Variants in PKM observed in about 807,000 individuals in gnomAD.
The protein encoded by PKM is pyruvate kinase PKM.
A neutral mutation model predicts 49.8 loss-of-function variants in PKM; 18 were observed. The observed-to-expected ratio is 0.36, with a 90% CI of 0.25 to 0.54. The LOEUF (loss-of-function observed/expected upper bound fraction) is 0.54. Ranked by LOEUF, PKM falls within the 20% of genes least tolerant of loss-of-function variation. The probability of loss-of-function intolerance (pLI) is 0.89; values close to 1 mark genes in which losing one functional copy is unlikely to be tolerated. For synonymous variants in PKM, 239 were observed against 261.8 expected, an observed-to-expected ratio of 0.91 and a Z score of 0.84; for missense variants, 508 against 713.8, an observed-to-expected ratio of 0.71 and a Z score of 3.28.
chr15:72,221,091 G>T, intron 1 of PKM: 3 of 811,454 alleles, frequency 3.7e-6, no homozygotes, highest in Non-Finnish European at 4.1e-6. Context: ...AAAACCATCA[G>T]CTGGCTCTTC....
In PKM at chr15:72,227,744, C is replaced by CAA. The variant is rs34876633; in HGVS notation, c.-14+3370_-14+3371dup. Among the ~76,000 whole-genome samples the CAA allele has an allele frequency of 2.6e-3, 28 of 10,768 alleles. 1 individual carries two copies. The highest frequency in any genetic ancestry group is 5.7e-3 in the African/African-American group (19 of 3,356). The allele number at this position is 10,768 out of a possible 152,430, so 7.1% of individuals were successfully genotyped here. A position where few individuals can be genotyped will look rare whatever the true frequency, so the allele number is the denominator to read the frequency against. ...CTGGGCAACAAGAGCAAAACTATCT[C>CAA]AAAAAAAAAAAAAAAAAAAAAAAAA... On this transcript the variant is annotated intron_variant, in intron 1 of 10. Coordinates refer to ENST00000335181, the MANE Select transcript of PKM (RefSeq NM_002654.6).
intron 8 of PKM, chr15:72,206,187 A>T (rs2082073955): frequency 6.2e-6 from 1 of 161,064 alleles, no homozygotes; most frequent in Non-Finnish European, 1.4e-5. Flanking sequence ...ATGCAAGGCC[A>T]GCACAGGCAG....
At chr15:72,211,647 T>C (rs1209274263) in intron 3 of PKM, among the ~76,000 whole-genome samples, 1 of 151,782 alleles carries the variant, frequency 6.6e-6, no homozygotes, top group Non-Finnish European at 1.5e-5. Context: ...CGAAACCTCG[T>C]CTCTACAAAA....
At chr15:72,218,453 G>A (rs986774429) in intron 2 of PKM, among the ~76,000 whole-genome samples, 2 of 151,536 alleles carry the variant, frequency 1.3e-5, no homozygotes, top group African/African-American at 2.4e-5. Flanking sequence ...ACAGGATCTC[G>A]CTCTGTTGCC....
intron 8 of PKM, among the ~76,000 whole-genome samples, chr15:72,205,540 T>C (rs191301795): frequency 6.6e-6 from 1 of 152,022 alleles, no homozygotes; most frequent in East Asian, 1.9e-4. Flanking sequence ...AAATGACATC[T>C]CTTCTCTGAA....
At chr15:72,221,539 G>A (rs2082523886) in intron 1 of PKM, among the ~76,000 whole-genome samples, 1 of 150,614 alleles carries the variant, frequency 6.6e-6, no homozygotes, top group Non-Finnish European at 1.5e-5. Flanking sequence ...ATTTTAATAG[G>A]ACGTCATTGG....
At chr15:72,225,805 T>A (rs757328241) in intron 1 of PKM, among the ~76,000 whole-genome samples, 6 of 152,198 alleles carry the variant, frequency 3.9e-5, no homozygotes, top group Admixed American at 6.5e-5. Flanking sequence ...CTTCTATTAA[T>A]CAATACTCTT....
chr15:72,210,167 G>T, intron 4 of PKM, 180 bp downstream of exon 4: 1 of 785,702 alleles, frequency 1.3e-6, no homozygotes, highest in Non-Finnish European at 2.1e-6. Context: ...CCATTTCCTA[G>T]CAAAGTAGAT....
intron 5 of PKM, among the ~76,000 whole-genome samples, chr15:72,209,274 T>C (rs1165229516): frequency 1.3e-5 from 2 of 150,652 alleles, no homozygotes; most frequent in Non-Finnish European, 3.0e-5. Context: ...GAGGCTGAGG[T>C]AGGAGAATAG....
At chr15:72,206,593 G>T in intron 8 of PKM, 135 bp downstream of exon 8, 4 of 858,436 alleles carry the variant, frequency 4.7e-6, no homozygotes, top group Non-Finnish European at 7.4e-6. Context: ...CCACCCTCTT[G>T]CTGCTGTAAC....
intron 1 of PKM, among the ~76,000 whole-genome samples, chr15:72,227,770 A>C (rs947481604): frequency 1.6e-5 from 1 of 62,028 alleles, no homozygotes. Flanking sequence ...AAAAAAAAAA[A>C]AAAACAAAAA....
chr15:72,209,019 G>T, intron 5 of PKM, 128 bp from the exon 6 acceptor site: 1 of 1,025,036 alleles, frequency 9.8e-7, no homozygotes, highest in Non-Finnish European at 1.5e-6. Flanking sequence ...TGTTTTACCA[G>T]AGTTGAAAAC....
intron 4 of PKM, 118 bp downstream of exon 4, chr15:72,210,229 C>G: frequency 9.8e-7 from 1 of 1,023,220 alleles, no homozygotes; most frequent in South Asian, 1.4e-5. Flanking sequence ...TAGACCTCAA[C>G]TCCTCTGCAG....
chr15:72,225,554 G>A lies in PKM; in HGVS notation c.-14+5562C>T, dbSNP rs535731101. On this transcript the variant is annotated intron_variant, in intron 1 of 10. Transcript: ENST00000335181. The stretch of plus-strand genomic sequence containing the variant: ...TCCAGTTCACTGAAGTCTATGTACA[G>A]TGTATCTATGTCTATACTGAACCCT... Among the ~76,000 whole-genome samples the A allele has an allele frequency of 2.0e-5, 3 of 152,256 alleles. No homozygotes were observed. The South Asian group carries it at 6.2e-4, about 32-fold the overall frequency.
rs1330266413 is a variant in PKM, at chr15:72,202,952, G to A, written c.1141-332C>T. The A allele has an allele frequency of 1.3e-6, 2 of 1,504,524 alleles. No homozygotes were observed. Among genetic ancestry groups the A allele is most frequent in the Non-Finnish European group, 9.2e-7 (1 of 1,085,786 alleles). The allele number at this position is 1,504,524 out of a possible 1,614,324, so 93.2% of individuals were successfully genotyped here. On this transcript the variant is annotated intron_variant, in intron 8 of 10. Coordinates refer to ENST00000335181, the MANE Select transcript of PKM (RefSeq NM_002654.6). This position sits in a 1 kb window ranked among gnomAD's most constrained non-coding sequence, Gnocchi z 4.5. ...CCCAGATGCCAGGTTGGGCCTGGCTGTCTTCTCCTAGAGCAGGTGGAGCAA... is the reference window on the plus strand; with the variant it reads ...CCCAGATGCCAGGTTGGGCCTGGCTATCTTCTCCTAGAGCAGGTGGAGCAA...
chr15:72,201,971 C>T, intron 9 of PKM: 1 of 215,412 alleles, frequency 4.6e-6, no homozygotes, highest in South Asian at 6.3e-5. Context: ...CAAGATAGCA[C>T]AGCAACCTCT....
At chr15:72,203,596 T>C (rs2140610528) in intron 8 of PKM, 1 of 287,874 alleles carries the variant, frequency 3.5e-6, no homozygotes, top group Non-Finnish European at 6.8e-6. Context: ...CATGGCTGGT[T>C]GATTAGGCAG....
Position 72,202,306 on chromosome 15 carries a change from A to G in PKM, c.1307+148T>C. 1.3e-6 allele frequency: 1 copy of G among 792,158 alleles called. No homozygotes were observed. The highest frequency in any genetic ancestry group is 2.1e-6 in the Non-Finnish European group (1 of 470,684). The allele number at this position is 792,158 out of a possible 1,614,324, so 49.1% of individuals were successfully genotyped here. On this transcript the variant is annotated intron_variant, in intron 9 of 10. Transcript: ENST00000335181. This position sits in a 1 kb window ranked among gnomAD's most constrained non-coding sequence, Gnocchi z 4.5. Reference sequence around the variant, plus strand: ...GGGCCCAGGGAAGGGGCTCTGCTCAATCCTTCCCTGCAGGCCCAAGGTGGC... The same window carrying G: ...GGGCCCAGGGAAGGGGCTCTGCTCAGTCCTTCCCTGCAGGCCCAAGGTGGC...
At chr15:72,205,107 TG>T (rs1355136447) in intron 8 of PKM, among the ~76,000 whole-genome samples, 16 of 147,108 alleles carry the variant, frequency 1.1e-4, no homozygotes, top group Admixed American at 1.1e-3. Context: ...CCGATTTTTT[TG>T]TTTTTTTTTT....
Sources: gnomAD v4.1 joint callset for allele counts (sites outside exome capture counted in the v4.1 genomes callset) on GRCh38, gnomAD v4.1.1 for gene constraint, Gnocchi (gnomAD v3.1) non-coding constraint, MANE v1.5 for transcripts, NCBI Gene and HGNC (gene_info 2026-07-23, HGNC 2026-07-21) for gene names.